Variants in MDN1 observed in about 807,000 individuals in gnomAD.
MDN1 encodes the protein midasin.
Under a neutral mutation model 669.2 loss-of-function variants are expected in MDN1, and 266 were observed. The ratio of observed to expected loss-of-function variants is 0.40; its 90% CI spans 0.36 to 0.44. MDN1 has a LOEUF of 0.44. Among genes scored for constraint, MDN1 ranks in the 20% least tolerant of loss-of-function variants. The probability of loss-of-function intolerance (pLI) is 1.00; values close to 1 mark genes in which losing one functional copy is unlikely to be tolerated. For synonymous variants in MDN1, 2,385 were observed against 2,457.1 expected (o/e 0.97, Z 0.87); for missense variants, 5,940 against 6,754.0 (o/e 0.88, Z 4.22).
rs1466064330 is a variant in MDN1 at position 89,645,121 on chromosome 6, C to T, written c.16496G>A (p.Arg5499Gln). 2.5e-6 allele frequency: 4 copies of T among 1,610,448 alleles called. No homozygotes were observed. Among genetic ancestry groups the T allele is most frequent in the Admixed American group, 1.7e-5 (1 of 59,960 alleles). ...AQLLLVVSDG[R>Q]GLFLEGKERV... ...TTCTTTGCCCTCAAGGAAAAGGCCT[C>T]GCCCATCAGAGACTACCAGGAGGAG... The change falls in exon 101 of 102, where the codon CGA (arginine) becomes CAA (glutamine). Residue 5499 changes from arginine to glutamine, a missense_variant. Around this residue, in one of 5 missense-constraint regions of MDN1, gnomAD observed 2,280 missense variants for 2,576.3 expected, o/e 0.88. Transcript: ENST00000369393.
intron 80 of MDN1, among the ~76,000 whole-genome samples, 193 bp downstream of exon 80, chr6:89,673,043 T>C (rs1810933315): frequency 6.6e-6 from 1 of 152,198 alleles, no homozygotes; most frequent in Non-Finnish European, 1.5e-5. Context: ...TTACAAAGTA[T>C]GTAACAGGCA....
rs180966061 is a variant in MDN1, at chr6:89,800,579, C to T, written c.329+2749G>A. Among the ~76,000 whole-genome samples, 19 of 152,268 alleles carry T rather than the reference C, an allele frequency of 1.2e-4. No individual in the cohort carries two copies. The East Asian group carries it at 3.7e-3, about 29-fold the overall frequency. On this transcript the variant is annotated intron_variant, in intron 2 of 101. Transcript: ENST00000369393. ...CCATACCTTGTCCTGTGCATCTCTTCTAACTGGCTCTTCCTGAGTTGTATC... is the reference window on the plus strand; with the variant it reads ...CCATACCTTGTCCTGTGCATCTCTTTTAACTGGCTCTTCCTGAGTTGTATC...
In MDN1 at chr6:89,693,073, C is replaced by G. The variant is rs1358597412; in HGVS notation, c.9957G>C (p.Gln3319His). 3.1e-6 allele frequency: 5 copies of G among 1,613,926 alleles called. No individual in the cohort carries two copies. Among genetic ancestry groups the G allele is most frequent in the South Asian group, 1.1e-5 (1 of 91,066 alleles). The change falls in exon 63 of 102, where the codon CAG (glutamine) becomes CAC (histidine). Residue 3319 changes from glutamine to histidine, a missense_variant. Gln to His is a conservative substitution (Grantham distance 24). Coordinates refer to ENST00000369393, the MANE Select transcript of MDN1 (RefSeq NM_014611.3). ...HLLKKQAFRP[Q>H]LPAYESLVQE... ...GAACCAGGGACTCGTAGGCAGGCAG[C>G]TGGGGTCTAAAGGCCTGTTTCTTCA... is the stretch of plus-strand genomic sequence containing the variant.
At chr6:89,686,063 G>T in intron 69 of MDN1, 90 bp from the exon 70 acceptor site, 1 of 1,284,428 alleles carries the variant, frequency 7.8e-7, no homozygotes, top group Non-Finnish European at 1.1e-6. Flanking sequence ...GGATACTACG[G>T]ATGGCCAAGA....
In MDN1 at chr6:89,725,372, A is replaced by G. The variant is rs752400499; in HGVS notation, c.5497T>C (p.Leu1833=). 6.2e-6 allele frequency: 10 copies of G among 1,613,908 alleles called. No homozygotes were observed. The highest frequency in any genetic ancestry group is 8.5e-6 in the Non-Finnish European group (10 of 1,179,844). Residue 1833 remains leucine, a synonymous_variant, in exon 38 of 102, where the codon TTG becomes CTG. Transcript: ENST00000369393. ...TCAAAACAAGCATTGAGTCCTTCCA[A>G]TACAGACTGAGAAGCCAGGTTAAGC... ...DELNLASQSV[L]EGLNACFDHR...
At chr6:89,670,141 TA>T (rs1179925504) in intron 83 of MDN1, among the ~76,000 whole-genome samples, 1 of 42,218 alleles carries the variant, frequency 2.4e-5, no homozygotes, top group Non-Finnish European at 3.4e-5. Context: ...CAAAAAAACA[TA>T]TATATATATA....
intron 5 of MDN1, among the ~76,000 whole-genome samples, chr6:89,793,274 G>A (rs1219991901): frequency 1.3e-5 from 2 of 152,224 alleles, no homozygotes; most frequent in Non-Finnish European, 2.9e-5. Context: ...AAGTAATTCT[G>A]CCTTTGAATT....
intron 10 of MDN1, 78 bp downstream of exon 10, chr6:89,781,321 A>C (rs1433139464): frequency 2.1e-6 from 3 of 1,453,542 alleles, no homozygotes; most frequent in Non-Finnish European, 2.9e-6. Context: ...ACTGCACTCC[A>C]GCCTGGGTAA....
intron 41 of MDN1, 34 bp from the exon 42 acceptor site, chr6:89,719,064 G>T (rs748429386): frequency 6.2e-7 from 1 of 1,613,882 alleles, no homozygotes; most frequent in Admixed American, 1.7e-5. Context: ...TTCCATAAGC[G>T]TGCCTGGTAG....
At chr6:89,771,700 G>A in intron 14 of MDN1, 79 bp from the exon 15 acceptor site, 1 of 1,240,832 alleles carries the variant, frequency 8.1e-7, no homozygotes, top group Admixed American at 1.8e-5. Context: ...TAAGGCTGTG[G>A]GAATATGGCA....
intron 2 of MDN1, among the ~76,000 whole-genome samples, chr6:89,799,111 A>G (rs1217055090): frequency 6.6e-6 from 1 of 152,330 alleles, no homozygotes; most frequent in East Asian, 1.9e-4. Context: ...AACAGCAACT[A>G]TTTTGGTCCC....
chr6:89,775,644 G>GTATT (rs1818315268), intron 12 of MDN1, among the ~76,000 whole-genome samples: 1 of 152,078 alleles, frequency 6.6e-6, no homozygotes, highest in Non-Finnish European at 1.5e-5. Flanking sequence ...GAGTATACAG[G>GTATT]TATTCACTGC....
Position 89,668,060 on chromosome 6 carries a change from C to T in MDN1, c.14048G>A (p.Gly4683Asp). 6.2e-7 allele frequency: 1 copy of T among 1,614,138 alleles called. No individual in the cohort carries two copies. Among genetic ancestry groups the T allele is most frequent in the South Asian group, 1.1e-5 (1 of 91,082 alleles). ...GTCACTCACATCCTTCATGCCCTCG[C>T]CTTCTCCAATTCCACCTCCCTCATA... ...HDYEGGGIGEGEGMKDVSDQI... is the reference protein window; with the variant it reads ...HDYEGGGIGEDEGMKDVSDQI... The change falls in exon 84 of 102, where the codon GGC becomes GAC. Residue 4683 changes from glycine (G) to aspartate (D), a missense_variant. Gly to Asp is a moderately conservative substitution (Grantham distance 94). This residue lies in a region of MDN1 where 2,280 missense variants were observed against 2,576.3 expected (regional missense o/e 0.88). Transcript: ENST00000369393.
intron 94 of MDN1, among the ~76,000 whole-genome samples, 158 bp downstream of exon 94, chr6:89,652,833 AC>A (rs1808978286): frequency 6.6e-6 from 1 of 152,222 alleles, no homozygotes; most frequent in Non-Finnish European, 1.5e-5. Context: ...CACCTATCAT[AC>A]CAATAGTATT....
At chr6:89,729,701 A>G (rs1170282696) in intron 35 of MDN1, among the ~76,000 whole-genome samples, 1 of 28,406 alleles carries the variant, frequency 3.5e-5, no homozygotes, top group Non-Finnish European at 7.3e-5. Context: ...TTTTTTTTGT[A>G]CACCAGTTTG....
chr6:89,812,106 C>T (rs1768459038), intron 1 of MDN1, among the ~76,000 whole-genome samples: 1 of 151,900 alleles, frequency 6.6e-6, no homozygotes, highest in Admixed American at 6.6e-5. Flanking sequence ...CTGCCTCAGC[C>T]TCCCGAGTAG....
At chr6:89,718,257 T>C (rs1167572490) in intron 43 of MDN1, 109 bp downstream of exon 43, 20 of 1,223,240 alleles carry the variant, frequency 1.6e-5, no homozygotes, top group Non-Finnish European at 2.1e-5. Flanking sequence ...CAAGTTCTGA[T>C]TGTTAATAAT....
At chr6:89,683,578 G>C (rs1811794019) in intron 72 of MDN1, among the ~76,000 whole-genome samples, 1 of 152,142 alleles carries the variant, frequency 6.6e-6, no homozygotes, top group Admixed American at 6.5e-5. Flanking sequence ...AAAGTATACA[G>C]CTAGTGGGTG....
intron 45 of MDN1, among the ~76,000 whole-genome samples, chr6:89,715,068 A>C (rs1814256791): frequency 6.6e-6 from 1 of 152,220 alleles, no homozygotes; most frequent in Admixed American, 6.5e-5. Flanking sequence ...AACAGGAAGC[A>C]AGTGTAGTCT....
Sources: gnomAD v4.1 joint callset for allele counts (sites outside exome capture counted in the v4.1 genomes callset) on GRCh38, gnomAD v4.1.1 for gene constraint, gnomAD v4.1.1 regional missense constraint, MANE v1.5 for transcripts, NCBI Gene and HGNC (gene_info 2026-07-23, HGNC 2026-07-21) for gene names.